Variants in LMO7 observed in about 807,000 individuals in gnomAD.
The protein encoded by LMO7 is LIM domain only protein 7.
LMO7 carries 120 observed loss-of-function variants against 206.5 expected under a neutral mutation model. The observed-to-expected ratio is 0.58, with a 90% CI of 0.50 to 0.68. The LOEUF (loss-of-function observed/expected upper bound fraction) is 0.68. Ranked by LOEUF, LMO7 falls within the 30% of genes least tolerant of loss-of-function variation. The probability of loss-of-function intolerance (pLI) is 0.00; values close to 1 mark genes in which losing one functional copy is unlikely to be tolerated. For missense variants in LMO7, 1,959 were observed against 1,957.9 expected (o/e 1.00, Z -0.01); for synonymous variants, 706 against 681.5 (o/e 1.04, Z -0.56).
At chr13:75,657,936 T>C (rs9593111) in intron 1 of LMO7, among the ~76,000 whole-genome samples, 30,107 of 152,174 alleles carry the variant, frequency 0.2, 3,623 homozygotes, top group Admixed American at 0.35. Flanking sequence ...AACAAAGATA[T>C]TCTTCTATAT....
intron 3 of LMO7, among the ~76,000 whole-genome samples, chr13:75,744,499 T>A (rs2046673077): frequency 1.3e-5 from 2 of 152,204 alleles, no homozygotes; most frequent in African/African-American, 4.8e-5. Context: ...GTTTCAGTAT[T>A]TGAGTAGGAT....
rs772884396 is a variant in LMO7 at position 75,807,882 on chromosome 13, G to A, written c.1599G>A (p.Gly533=). ...PAQKKEVPLS[G]APDRYHPVPF... Reference sequence around the variant, plus strand: ...AGAAGAAAGAAGTGCCGCTGTCTGGGGCCCCAGATAGATACCACCCAGTCC... The same window carrying A: ...AGAAGAAAGAAGTGCCGCTGTCTGGAGCCCCAGATAGATACCACCCAGTCC... The change falls in exon 10 of 31, where the codon GGG becomes GGA. Residue 533 remains glycine (G), a synonymous_variant. Coordinates refer to ENST00000377534, the MANE Select transcript of LMO7 (RefSeq NM_001306080.2). The A allele has an allele frequency of 6.8e-6, 11 of 1,613,752 alleles. No homozygotes were observed. In the African/African-American group the frequency reaches 8.0e-5, roughly 12 times the overall value.
intron 6 of LMO7, among the ~76,000 whole-genome samples, chr13:75,799,290 T>C (rs1325300553): frequency 6.6e-6 from 1 of 152,230 alleles, no homozygotes; most frequent in Non-Finnish European, 1.5e-5. Context: ...TGAAAATATT[T>C]ATAATTAAAA....
upstream of LMO7, among the ~76,000 whole-genome samples, chr13:75,633,780 TTTAG>T (rs745868203): frequency 4.3e-4 from 65 of 152,084 alleles, no homozygotes; most frequent in Middle Eastern, 3.4e-3. Flanking sequence ...TATTGTTAGT[TTTAG>T]TTAGGTGTGA....
intron 3 of LMO7, among the ~76,000 whole-genome samples, chr13:75,737,777 T>TG (rs1555305719): frequency 4.4e-5 from 1 of 22,700 alleles, no homozygotes; most frequent in Non-Finnish European, 6.9e-5. Context: ...TAAAATAAAA[T>TG]AAAATAAAAA....
intron 11 of LMO7, among the ~76,000 whole-genome samples, chr13:75,812,064 TG>T (rs2056460057): frequency 6.6e-6 from 1 of 152,192 alleles, no homozygotes; most frequent in Admixed American, 6.5e-5. Context: ...AGGAGACATT[TG>T]GCAATGTCTG....
chr13:75,650,391 G>A (rs961154765), intron 1 of LMO7, among the ~76,000 whole-genome samples: 1 of 152,076 alleles, frequency 6.6e-6, no homozygotes, highest in Non-Finnish European at 1.5e-5. Flanking sequence ...GCCTCCCAAA[G>A]TGCTGGGATT....
chr13:75,820,167 C>T (rs1011647297), intron 13 of LMO7, among the ~76,000 whole-genome samples: 37 of 152,146 alleles, frequency 2.4e-4, no homozygotes, highest in African/African-American at 8.7e-4. Context: ...TGAAATGAAA[C>T]AAAGCCACTT....
At chr13:75,803,335 A>G (rs974371504) in intron 7 of LMO7, among the ~76,000 whole-genome samples, 1 of 152,180 alleles carries the variant, frequency 6.6e-6, no homozygotes, top group South Asian at 2.1e-4. Flanking sequence ...CAGGTGCTCT[A>G]CCTGCTGAGA....
chr13:75,677,256 A>G (rs2040088885), intron 1 of LMO7, among the ~76,000 whole-genome samples: 1 of 152,156 alleles, frequency 6.6e-6, no homozygotes, highest in Admixed American at 6.5e-5. Flanking sequence ...AGTTTTATTT[A>G]CTTTATGGTT....
intron 1 of LMO7, among the ~76,000 whole-genome samples, chr13:75,652,614 A>AGTGTGT (rs59671117): frequency 0.016 from 2,270 of 137,896 alleles, 35 homozygotes; most frequent in African/African-American, 0.036. Flanking sequence ...CCACAAGTTC[A>AGTGTGT]GTGTGTGTGT....
At chr13:75,786,842 C>T (rs765531254) in intron 4 of LMO7, among the ~76,000 whole-genome samples, 10 of 152,114 alleles carry the variant, frequency 6.6e-5, no homozygotes, top group South Asian at 2.1e-4. Context: ...AACATTTTTA[C>T]GTTAAGTGTT....
At chr13:75,855,722 A>G (rs1297895365) in intron 29 of LMO7, among the ~76,000 whole-genome samples, 1 of 152,216 alleles carries the variant, frequency 6.6e-6, no homozygotes, top group East Asian at 1.9e-4. Context: ...CAGTTATCAC[A>G]GTGTCTGAAA....
chr13:75,855,821 G>T (rs2060883906), intron 29 of LMO7, among the ~76,000 whole-genome samples: 1 of 152,164 alleles, frequency 6.6e-6, no homozygotes, highest in South Asian at 2.1e-4. Context: ...TACCTGATAG[G>T]TTTTCACACA....
intron 25 of LMO7, among the ~76,000 whole-genome samples, chr13:75,843,551 G>A (rs1040533941): frequency 3.9e-5 from 6 of 152,174 alleles, no homozygotes; most frequent in African/African-American, 1.4e-4. Flanking sequence ...TCCCCAAAGG[G>A]TTATGTATGG....
chr13:75,720,300 A>G (rs1439822082), intron 2 of LMO7, among the ~76,000 whole-genome samples: 1 of 152,100 alleles, frequency 6.6e-6, no homozygotes, highest in African/African-American at 2.4e-5. Context: ...TATTCCCTTG[A>G]CAGTGTCTTT....
intron 4 of LMO7, chr13:75,788,702 G>A (rs918481186): frequency 1.3e-5 from 2 of 152,158 alleles, no homozygotes. Flanking sequence ...GCAACAACTG[G>A]AGAGCAGAGA....
intron 16 of LMO7, among the ~76,000 whole-genome samples, chr13:75,833,753 G>A (rs2058888569): frequency 6.6e-6 from 1 of 151,892 alleles, no homozygotes; most frequent in Admixed American, 6.6e-5. Context: ...ATATAAAATT[G>A]CATGTTAACA....
Position 75,808,041 on chromosome 13 carries a change from T to G in LMO7, c.1758T>G (p.Asp586Glu), listed in dbSNP as rs1016184184. 6.2e-7 allele frequency: 1 copy of G among 1,613,918 alleles called. No individual in the cohort carries two copies. Among genetic ancestry groups the G allele is most frequent in the African/African-American group, 1.3e-5 (1 of 75,010 alleles). The change falls in exon 10 of 31, where the codon GAT becomes GAG. Residue 586 changes from aspartate to glutamate, a missense_variant. Physicochemically the swap from Asp to Glu is conservative, Grantham distance 45 (BLOSUM62 2). Transcript: ENST00000377534. ...TTCCTTCATATCGGCAGAAGAAAGA[T>G]GACATGCTGACACGTAAGATTCAGT... ...ILVPSYRQKKDDMLTRKIQSW... is the reference protein window; with the variant it reads ...ILVPSYRQKKEDMLTRKIQSW...
Sources: gnomAD v4.1 joint callset for allele counts (sites outside exome capture counted in the v4.1 genomes callset) on GRCh38, gnomAD v4.1.1 for gene constraint, MANE v1.5 for transcripts, NCBI Gene and HGNC (gene_info 2026-07-23, HGNC 2026-07-21) for gene names.